CASQ1: variants seen among roughly 807,000 people sequenced by gnomAD.
CASQ1 encodes the protein calsequestrin 1.
Under a neutral mutation model 49.5 loss-of-function variants are expected in CASQ1, and 40 were observed. That is an observed-to-expected ratio of 0.81 (90% CI 0.63 to 1.05). The LOEUF (loss-of-function observed/expected upper bound fraction) is 1.05, where lower values mean the gene tolerates loss of function less well. Ranked by LOEUF, CASQ1 falls within the 50% of genes least tolerant of loss-of-function variation. CASQ1 has a pLI of 0.00. For synonymous variants in CASQ1, 174 were observed against 187.2 expected (o/e 0.93, Z 0.58); for missense variants, 469 against 486.9 (o/e 0.96, Z 0.35).
rs188615821 is a variant in CASQ1, at chr1:160,201,253, C to T, written c.1068C>T (p.Ser356=). The T allele has an allele frequency of 1.5e-5, 24 of 1,612,808 alleles. No homozygotes were observed. In the African/African-American group the frequency reaches 2.0e-4, roughly 13 times the overall value. Residue 356 remains serine, a synonymous_variant, in exon 11 of 11, where the codon AGC becomes AGT. Transcript: ENST00000368078. ...CCTGTGCCATCTCCTAGGCGGATAG[C>T]GTATGGATGGAAATGGACGATGAGG... ...IGVVNVTDAD[S]VWMEMDDEED...
chr1:160,200,343 T>G (rs923703712), intron 10 of CASQ1, among the ~76,000 whole-genome samples: 2 of 152,176 alleles, frequency 1.3e-5, no homozygotes, highest in African/African-American at 4.8e-5. Flanking sequence ...ACTGCTAAGT[T>G]GAACTGAATG....
chr1:160,196,409 G>A (rs905756597), intron 6 of CASQ1, among the ~76,000 whole-genome samples: 1 of 151,836 alleles, frequency 6.6e-6, no homozygotes, highest in Non-Finnish European at 1.5e-5. Flanking sequence ...CAGGTAATAA[G>A]TGTCAGAGCT....
Position 160,198,728 on chromosome 1 carries a change from C to T in CASQ1, c.880C>T (p.Pro294Ser), listed in dbSNP as rs1654301252. The part of the protein sequence containing the change: ...HIVAFAEEAD[P>S]DGFEFLETLK... ...TGTGGCCTTCGCAGAGGAAGCTGATCCTGGTGAGGGAGGAATACCGGGTTG... is the reference window on the plus strand; with the variant it reads ...TGTGGCCTTCGCAGAGGAAGCTGATTCTGGTGAGGGAGGAATACCGGGTTG... Residue 294 changes from proline to serine, a missense_variant, in exon 8 of 11, where the codon CCT (proline) becomes TCT (serine). By Grantham distance (74) the Pro-to-Ser change is moderately conservative. Coordinates refer to ENST00000368078, the MANE Select transcript of CASQ1 (RefSeq NM_001231.5). 2 of 1,613,158 alleles carry T rather than the reference C, an allele frequency of 1.2e-6. No individual in the cohort carries two copies. The highest frequency in any genetic ancestry group is 1.7e-4 in the Middle Eastern group (1 of 6,054).
At position 160,201,630 on chromosome 1, in the gene CASQ1, T is replaced by C. The variant is rs1229234061; in HGVS notation, c.*254T>C. On this transcript the variant is annotated 3_prime_UTR_variant, in exon 11 of 11. Coordinates refer to ENST00000368078, the MANE Select transcript of CASQ1 (RefSeq NM_001231.5). The stretch of plus-strand genomic sequence containing the variant: ...TCCCATAACTTACTTGTATCTATTA[T>C]GTGTCTCTTCCATCACTCTCCATAC... 7 of 545,060 alleles carry C rather than the reference T, an allele frequency of 1.3e-5. No homozygotes were observed. In the Admixed American group the frequency reaches 1.9e-4, roughly 14 times the overall value. The allele number at this position is 545,060 out of a possible 1,614,324, so 33.8% of individuals were successfully genotyped here. A position where few individuals can be genotyped will look rare whatever the true frequency, so the allele number is the denominator to read the frequency against.
At chr1:160,194,965 C>A in intron 3 of CASQ1, 47 bp from the exon 4 acceptor site, 1 of 1,210,090 alleles carries the variant, frequency 8.3e-7, no homozygotes, top group South Asian at 1.4e-5. Flanking sequence ...CTTTCTGGTT[C>A]TACTTGAGGA....
At chr1:160,192,643 C>T in intron 1 of CASQ1, 159 bp from the exon 2 acceptor site, 1 of 663,348 alleles carries the variant, frequency 1.5e-6, no homozygotes, top group Non-Finnish European at 2.7e-6. Context: ...AACTGTGTGG[C>T]TGTAGGGAAT....
chr1:160,191,636 T>G (rs951909704), intron 1 of CASQ1, among the ~76,000 whole-genome samples: 14 of 152,162 alleles, frequency 9.2e-5, no homozygotes, highest in African/African-American at 3.4e-4. Flanking sequence ...TTCTTATGGT[T>G]GCAGGAGGTG....
At chr1:160,198,419 G>A (rs578040289) in intron 7 of CASQ1, 15 of 313,920 alleles carry the variant, frequency 4.8e-5, no homozygotes, top group East Asian at 1.2e-4. Context: ...CAGGAGAATC[G>A]CTTGAACCCG....
chr1:160,192,403 C>A (rs1169067129), intron 1 of CASQ1, among the ~76,000 whole-genome samples: 1 of 151,378 alleles, frequency 6.6e-6, no homozygotes, highest in Non-Finnish European at 1.5e-5. Context: ...CAACCCCACA[C>A]TGAGCTTGGC....
In CASQ1 at chr1:160,199,080, A is replaced by G. The variant is rs780214723; in HGVS notation, c.984+27A>G. 33 of 1,330,172 alleles carry G rather than the reference A, an allele frequency of 2.5e-5. 1 individual carries two copies. The South Asian group carries it at 2.8e-4, about 11-fold the overall frequency. The allele number at this position is 1,330,172 out of a possible 1,614,324, so 82.4% of individuals were successfully genotyped here. ...TAAGAGGCACAGCTCAGGCACTGCT[A>G]TCTTAAGGTGGGGCCTTGGACTGTG... On this transcript the variant is annotated intron_variant, in intron 9 of 10. Transcript: ENST00000368078.
At chr1:160,200,117 A>T (rs1654334460) in intron 10 of CASQ1, among the ~76,000 whole-genome samples, 192 bp downstream of exon 10, 1 of 152,218 alleles carries the variant, frequency 6.6e-6, no homozygotes, top group Non-Finnish European at 1.5e-5. Context: ...TCAGTGGCTC[A>T]TCCTTCAAGG....
chr1:160,193,809 G>T lies in CASQ1; in HGVS notation c.427G>T (p.Glu143Ter). The change falls in exon 3 of 11, where the codon GAG becomes TAG. Residue 143 changes from glutamate to a stop codon, truncating the protein, a stop_gained. Transcript: ENST00000368078. LOFTEE classifies it high-confidence loss of function. ...KGDEVIEYDG[E>*]FSADTIVEFL... The stretch of plus-strand genomic sequence containing the variant: ...AGATGAAGTCATTGAGTACGATGGC[G>T]AGTTTTCTGCTGACACCATCGTGGA... 1 of 1,612,960 alleles carries T rather than the reference G, an allele frequency of 6.2e-7. No homozygotes were observed.
chr1:160,193,447 G>T (rs889828537), intron 2 of CASQ1, among the ~76,000 whole-genome samples: 2 of 151,748 alleles, frequency 1.3e-5, no homozygotes, highest in African/African-American at 4.8e-5. Context: ...GAGAAGGGGA[G>T]AAATACTGCT....
chr1:160,201,204 G>A (rs1336913518), intron 10 of CASQ1, 41 bp from the exon 11 acceptor site: 4 of 1,599,530 alleles, frequency 2.5e-6, no homozygotes, highest in Non-Finnish European at 3.4e-6. Context: ...CTAAGACCCG[G>A]GTTGGACTTA....
Position 160,195,991 on chromosome 1 carries a change from A to G in CASQ1, c.746A>G (p.Glu249Gly), listed in dbSNP as rs748921487. The G allele has an allele frequency of 6.2e-7, 1 of 1,614,078 alleles. No homozygotes were observed. The highest frequency in any genetic ancestry group is 8.5e-7 in the Non-Finnish European group (1 of 1,179,982). Residue 249 changes from glutamate (E) to glycine (G), a missense_variant, in exon 6 of 11, where the codon GAA becomes GGA. Transcript: ENST00000368078. The stretch of plus-strand genomic sequence containing the variant: ...ACCATCCCAGACAAGCCCAATAGCG[A>G]AGAGGAGATTGTCAACTTCGTGGAG... ...PVTIPDKPNSEEEIVNFVEEH... is the reference protein window; with the variant it reads ...PVTIPDKPNSGEEIVNFVEEH...
At position 160,197,559 on chromosome 1, in the gene CASQ1, T is replaced by G; in HGVS notation, c.783-10T>G. On this transcript the variant is annotated splice_polypyrimidine_tract_variant and intron_variant, in intron 6 of 10. Coordinates refer to ENST00000368078, the MANE Select transcript of CASQ1 (RefSeq NM_001231.5). Reference sequence around the variant, plus strand: ...CCACTGAGTAATGACACTCTGTCTGTCTCTTCTAGATCAACCCTGAGGAAA... The same window carrying G: ...CCACTGAGTAATGACACTCTGTCTGGCTCTTCTAGATCAACCCTGAGGAAA... The G allele has an allele frequency of 6.2e-7, 1 of 1,606,070 alleles. No individual in the cohort carries two copies.
chr1:160,197,043 C>T (rs1328128089), intron 6 of CASQ1, among the ~76,000 whole-genome samples: 2 of 152,202 alleles, frequency 1.3e-5, no homozygotes, highest in Non-Finnish European at 2.9e-5. Context: ...CTGCCGGGCA[C>T]TCACACATAA....
At position 160,191,039 on chromosome 1, in the gene CASQ1, G is replaced by A; in HGVS notation, c.279+9G>A. The A allele has an allele frequency of 6.2e-7, 1 of 1,613,360 alleles. No individual in the cohort carries two copies. The highest frequency in any genetic ancestry group is 8.5e-7 in the Non-Finnish European group (1 of 1,179,634). On this transcript the variant is annotated intron_variant, in intron 1 of 10. Transcript: ENST00000368078. Reference sequence around the variant, plus strand: ...AGGAGCTGATCCTGGAGGTGAGTTGGGGGCACTGCAGGCCTGCAGAGCATG... The same window carrying A: ...AGGAGCTGATCCTGGAGGTGAGTTGAGGGCACTGCAGGCCTGCAGAGCATG...
At position 160,201,281 on chromosome 1, in the gene CASQ1, G is replaced by T. The variant is rs778711932; in HGVS notation, c.1096G>T (p.Asp366Tyr). The change falls in exon 11 of 11, where the codon GAC (aspartate) becomes TAC (tyrosine). Residue 366 changes from aspartate to tyrosine, a missense_variant. Transcript: ENST00000368078. ...ATGGATGGAAATGGACGATGAGGAGGACCTGCCTTCTGCTGAGGAGCTGGA... is the reference window on the plus strand; with the variant it reads ...ATGGATGGAAATGGACGATGAGGAGTACCTGCCTTCTGCTGAGGAGCTGGA... ...SVWMEMDDEE[D>Y]LPSAEELEDW... The T allele has an allele frequency of 6.2e-7, 1 of 1,613,694 alleles. No homozygotes were observed. The highest frequency in any genetic ancestry group is 2.2e-5 in the East Asian group (1 of 44,874).
Sources: gnomAD v4.1 joint callset for allele counts (sites outside exome capture counted in the v4.1 genomes callset) on GRCh38, gnomAD v4.1.1 for gene constraint, MANE v1.5 for transcripts, NCBI Gene and HGNC (gene_info 2026-07-23, HGNC 2026-07-21) for gene names.